Variants in CLEC16A observed in about 807,000 individuals in gnomAD.
CLEC16A encodes the protein protein CLEC16A.
CLEC16A carries 51 observed loss-of-function variants against 109.5 expected under a neutral mutation model. The observed-to-expected ratio is 0.47, with a 90% CI of 0.37 to 0.59. The LOEUF (loss-of-function observed/expected upper bound fraction) is 0.59. CLEC16A is among the 20% of genes least tolerant of loss of function. The pLI is 0.00. For synonymous variants in CLEC16A, 673 were observed against 564.2 expected, an observed-to-expected ratio of 1.19 and a Z score of -2.73; for missense variants, 1,339 against 1,394.0, an observed-to-expected ratio of 0.96 and a Z score of 0.63.
chr16:11,020,421 C>A, intron 12 of CLEC16A, 96 bp downstream of exon 12: 2 of 1,390,954 alleles, frequency 1.4e-6, no homozygotes, highest in Non-Finnish European at 1.9e-6. Context: ...CTCTTCTGTC[C>A]CTCAGCCCGA....
chr16:11,005,191 C>G (rs2044923717), intron 11 of CLEC16A, among the ~76,000 whole-genome samples: 1 of 152,050 alleles, frequency 6.6e-6, no homozygotes, highest in Admixed American at 6.5e-5. Flanking sequence ...GCCCCAAAAT[C>G]ACAATCAAAT....
intron 22 of CLEC16A, among the ~76,000 whole-genome samples, chr16:11,164,160 C>A (rs2054822501): frequency 6.6e-6 from 1 of 152,216 alleles, no homozygotes; most frequent in Admixed American, 6.5e-5. Context: ...TTTCTCTCCG[C>A]AAGCAGACCT....
chr16:10,977,195 C>G lies in CLEC16A; in HGVS notation c.729-30C>G, dbSNP rs749508014. ...GCTCAAAGGCTCCTAGTGTTGGCCT[C>G]CAGGCTGAGGTGGTCATTTCTCCTG... On this transcript the variant is annotated intron_variant, in intron 7 of 23. Transcript: ENST00000409790. 3 of 1,604,244 alleles carry G rather than the reference C, an allele frequency of 1.9e-6. No homozygotes were observed. In the African/African-American group the frequency reaches 4.0e-5, roughly 21 times the overall value.
At chr16:11,096,222 A>G (rs1405557068) in intron 19 of CLEC16A, among the ~76,000 whole-genome samples, 1 of 152,030 alleles carries the variant, frequency 6.6e-6, no homozygotes, top group African/African-American at 2.4e-5. Context: ...GTATTCATCT[A>G]TAGTCCCAGC....
At position 11,042,354 on chromosome 16, in the gene CLEC16A, C is replaced by A; in HGVS notation, c.1761C>A (p.Ala587=). 6.3e-7 allele frequency: 1 copy of A among 1,583,926 alleles called. No homozygotes were observed. Among genetic ancestry groups the A allele is most frequent in the African/African-American group, 1.3e-5 (1 of 74,394 alleles). The change falls in exon 15 of 24, where the codon GCC becomes GCA. Residue 587 remains alanine (A), a synonymous_variant. Transcript: ENST00000409790. Reference sequence around the variant, plus strand: ...GCATCATGAAGGACGTGCACCTGGCCTGCCTGGAGGTAACGCCCTCTCCGC... The same window carrying A: ...GCATCATGAAGGACGTGCACCTGGCATGCCTGGAGGTAACGCCCTCTCCGC... The part of the protein sequence containing the change: ...AGCIMKDVHL[A]CLEGAREESV...
At chr16:11,149,160 C>G (rs1024884749) in intron 22 of CLEC16A, among the ~76,000 whole-genome samples, 7 of 152,076 alleles carry the variant, frequency 4.6e-5, no homozygotes, top group Admixed American at 6.5e-5. Context: ...GTGGGGCTGT[C>G]GGAGCACAAG....
intron 19 of CLEC16A, among the ~76,000 whole-genome samples, chr16:11,081,119 T>A (rs1220281159): frequency 6.6e-6 from 1 of 152,194 alleles, no homozygotes; most frequent in Non-Finnish European, 1.5e-5. Context: ...ACCCCTCAAA[T>A]GCTCTTCAGT....
chr16:11,118,513 G>T (rs1488975719), intron 19 of CLEC16A, among the ~76,000 whole-genome samples: 1 of 152,188 alleles, frequency 6.6e-6, no homozygotes, highest in East Asian at 1.9e-4. Context: ...TGGTGATTCT[G>T]TCATGGCTCA....
chr16:10,969,997 T>A (rs997763405), intron 4 of CLEC16A, among the ~76,000 whole-genome samples: 1 of 152,232 alleles, frequency 6.6e-6, no homozygotes, highest in African/African-American at 2.4e-5. Flanking sequence ...TGACATTCTT[T>A]GGGAGAATTA....
intron 19 of CLEC16A, among the ~76,000 whole-genome samples, chr16:11,072,984 C>A (rs1005020447): frequency 6.6e-6 from 1 of 152,120 alleles, no homozygotes; most frequent in African/African-American, 2.4e-5. Context: ...AGAGCTGAAA[C>A]CACAGGATGG....
At chr16:10,959,736 C>G (rs933192813) in intron 2 of CLEC16A, among the ~76,000 whole-genome samples, 2 of 151,322 alleles carry the variant, frequency 1.3e-5, no homozygotes, top group East Asian at 1.9e-4. Flanking sequence ...CAAAAAGACC[C>G]TTGGGTTAAA....
In CLEC16A at chr16:10,972,555, G is replaced by T; in HGVS notation, c.600G>T (p.Val200=). The T allele has an allele frequency of 6.2e-7, 1 of 1,612,426 alleles. No homozygotes were observed. The highest frequency in any genetic ancestry group is 8.5e-7 in the Non-Finnish European group (1 of 1,178,794). Residue 200 remains valine, a splice_region_variant and synonymous_variant, in exon 6 of 24, where the codon GTG becomes GTT. Transcript: ENST00000409790. The part of the protein sequence containing the change: ...VRTITLNVYK[V]SLDNQAMLHY... Reference sequence around the variant, plus strand: ...CGATTCCTGTGTTCCTTATTCCAGTGTCATGTAAGTTATTAACCTCTGGTT... The same window carrying T: ...CGATTCCTGTGTTCCTTATTCCAGTTTCATGTAAGTTATTAACCTCTGGTT...
At chr16:11,096,169 C>G (rs544944431) in intron 19 of CLEC16A, among the ~76,000 whole-genome samples, 5 of 125,560 alleles carry the variant, frequency 4.0e-5, no homozygotes, top group Non-Finnish European at 8.3e-5. Flanking sequence ...ATAGCAAGAC[C>G]CCATCTCTAA....
rs537129188 is a variant in CLEC16A, at chr16:11,110,118, C to T, written c.2117-10497C>T. 2.0e-5 allele frequency among the ~76,000 whole-genome samples: 3 copies of T among 152,304 alleles called. No homozygotes were observed. In the South Asian group the frequency reaches 6.2e-4, roughly 32 times the overall value. On this transcript the variant is annotated intron_variant, in intron 19 of 23. Transcript: ENST00000409790. ...AGGGGGCTGTAGGGGAAGGCTTCAG[C>T]CCAGGAGCTAAAAGAACAGTTGATT...
At chr16:11,021,212 C>G (rs1442107578) in intron 12 of CLEC16A, among the ~76,000 whole-genome samples, 1 of 152,196 alleles carries the variant, frequency 6.6e-6, no homozygotes, top group Non-Finnish European at 1.5e-5. Context: ...TTATTTGTCT[C>G]TTTGCTTGGC....
intron 23 of CLEC16A, among the ~76,000 whole-genome samples, chr16:11,176,165 C>A (rs1340241772): frequency 6.6e-6 from 1 of 152,246 alleles, no homozygotes; most frequent in East Asian, 1.9e-4. Context: ...GCAGGCAGAT[C>A]GTGCTAGGTC....
chr16:11,145,409 C>T (rs552956391), intron 22 of CLEC16A, among the ~76,000 whole-genome samples: 4 of 152,350 alleles, frequency 2.6e-5, no homozygotes, highest in East Asian at 1.9e-4. Context: ...CCAATGTCAT[C>T]CGCGGCCTCT....
intron 10 of CLEC16A, among the ~76,000 whole-genome samples, chr16:10,991,346 C>T (rs2043994071): frequency 6.7e-6 from 1 of 149,134 alleles, no homozygotes; most frequent in South Asian, 2.1e-4. Context: ...ACATCGTGAA[C>T]CTGGGAGGCG....
chr16:11,042,344 T>C lies in CLEC16A; in HGVS notation c.1751T>C (p.Val584Ala). Reference protein sequence around the residue: ...LMSAGCIMKDVHLACLEGARE... With the variant: ...LMSAGCIMKDAHLACLEGARE... ...AGTGCTGGCTGCATCATGAAGGACG[T>C]GCACCTGGCCTGCCTGGAGGTAACG... The change falls in exon 15 of 24, where the codon GTG (valine) becomes GCG (alanine). Residue 584 changes from valine (V) to alanine (A), a missense_variant. Around this residue, in one of 3 missense-constraint regions of CLEC16A, gnomAD observed 1,061 missense variants for 1,006.8 expected, o/e 1.05. Transcript: ENST00000409790. 1 of 1,588,478 alleles carries C rather than the reference T, an allele frequency of 6.3e-7. No homozygotes were observed. Among genetic ancestry groups the C allele is most frequent in the Non-Finnish European group, 8.6e-7 (1 of 1,167,662 alleles).
Sources: allele counts gnomAD v4.1 joint callset (sites outside exome capture counted in the v4.1 genomes callset), GRCh38; gene constraint gnomAD v4.1.1; regional missense constraint gnomAD v4.1.1; transcripts MANE v1.5; gene names NCBI Gene and HGNC (gene_info 2026-07-23, HGNC 2026-07-21).